Variants in APCDD1L observed in about 807,000 individuals in gnomAD.
The protein encoded by APCDD1L is protein APCDD1-like.
A neutral mutation model predicts 24.2 loss-of-function variants in APCDD1L; 21 were observed. The observed-to-expected ratio is 0.87, with a 90% CI of 0.61 to 1.25. The LOEUF (loss-of-function observed/expected upper bound fraction) is 1.25, where lower values mean the gene tolerates loss of function less well. Among genes scored for constraint, APCDD1L ranks in the 50% most tolerant of loss-of-function variants. The probability of loss-of-function intolerance (pLI) is 0.00; values close to 1 mark genes in which losing one functional copy is unlikely to be tolerated. For missense variants in APCDD1L, 704 were observed against 711.7 expected, an observed-to-expected ratio of 0.99 and a Z score of 0.12; for synonymous variants, 321 against 323.6, an observed-to-expected ratio of 0.99 and a Z score of 0.09.
chr20:58,481,749 C>A (rs1990030239), intron 1 of APCDD1L, among the ~76,000 whole-genome samples: 1 of 152,186 alleles, frequency 6.6e-6, no homozygotes, highest in Non-Finnish European at 1.5e-5. Flanking sequence ...GCTTCGGCCT[C>A]CAGCTGAGGG....
rs898917658 is a variant in APCDD1L, at chr20:58,508,747, G to A, written c.49+5912C>T. ...GGCACTGTTCTAGGGACCCGGGAAA[G>A]AACTGTCGATAAAACAGGCCAGGCC... On this transcript the variant is annotated intron_variant, in intron 1 of 3. Coordinates refer to ENST00000371149, the MANE Select transcript of APCDD1L (RefSeq NM_153360.3). The surrounding 1 kb of genome is among the most constrained non-coding windows in gnomAD (Gnocchi z 4.0). 6.6e-6 allele frequency among the ~76,000 whole-genome samples: 1 copy of A among 152,198 alleles called. No homozygotes were observed. The highest frequency in any genetic ancestry group is 1.5e-5 in the Non-Finnish European group (1 of 68,034).
rs375856321 is a variant in APCDD1L, at chr20:58,496,641, C to T, written c.49+18018G>A. ...GCCAAGGAAGACACAGAGCTAATGT[C>T]GGGGGTCAGCATGGGGCAGACAGGC... On this transcript the variant is annotated intron_variant, in intron 1 of 3. Coordinates refer to ENST00000371149, the MANE Select transcript of APCDD1L (RefSeq NM_153360.3). Among the ~76,000 whole-genome samples the T allele has an allele frequency of 1.7e-4, 26 of 152,294 alleles. No homozygotes were observed. In the East Asian group the frequency reaches 1.7e-3, roughly 10 times the overall value.
chr20:58,477,487 A>G (rs1989932351), intron 1 of APCDD1L, among the ~76,000 whole-genome samples: 1 of 152,188 alleles, frequency 6.6e-6, no homozygotes, highest in Non-Finnish European at 1.5e-5. Flanking sequence ...TATCTTTCCC[A>G]GTGCATCATC....
At position 58,467,180 on chromosome 20, in the gene APCDD1L, C is replaced by T. The variant is rs768051053; in HGVS notation, c.667G>A (p.Asp223Asn). Residue 223 changes from aspartate (D) to asparagine (N), a missense_variant, in exon 3 of 4, where the codon GAC (aspartate) becomes AAC (asparagine). By Grantham distance (23) the Asp-to-Asn change is conservative. Transcript: ENST00000371149. The surrounding 1 kb of genome is among the most constrained non-coding windows in gnomAD (Gnocchi z 5.9). ...CTCTCCGCCGGGTCGGTGTGGATGT[C>T]CCCCAGGTACAGCTCCTCCACCAGC... The part of the protein sequence containing the change: ...PRLVEELYLG[D>N]IHTDPAERRH... The T allele has an allele frequency of 1.6e-5, 26 of 1,606,670 alleles. 1 individual carries two copies. Among genetic ancestry groups the T allele is most frequent in the Middle Eastern group, 1.6e-4 (1 of 6,078 alleles).
intron 1 of APCDD1L, 152 bp downstream of exon 1, chr20:58,514,507 G>A (rs1990700487): frequency 5.2e-6 from 4 of 774,118 alleles, no homozygotes; most frequent in Non-Finnish European, 7.2e-6. Context: ...CCGGCCAGGT[G>A]AGACTGGAGA....
At position 58,470,661 on chromosome 20, in the gene APCDD1L, G is replaced by A. The variant is rs1287684131; in HGVS notation, c.136C>T (p.Pro46Ser). 5 of 1,573,134 alleles carry A rather than the reference G, an allele frequency of 3.2e-6. No homozygotes were observed. The South Asian group carries it at 5.8e-5, about 18-fold the overall frequency. ...CGTGGAGGCAGGATCGCAGTGCTGG[G>A]CACTCTATCTGGCAAGGGCTGCTGG... The part of the protein sequence containing the change: ...HCQQPLPDRV[P>S]STAILPPRLN... The change falls in exon 2 of 4, where the codon CCC becomes TCC. Residue 46 changes from proline (P) to serine (S), a missense_variant. Physicochemically the swap from Pro to Ser is moderately conservative, Grantham distance 74. Coordinates refer to ENST00000371149, the MANE Select transcript of APCDD1L (RefSeq NM_153360.3).
chr20:58,511,762 T>C (rs1412692645), intron 1 of APCDD1L, among the ~76,000 whole-genome samples: 2 of 152,210 alleles, frequency 1.3e-5, no homozygotes, highest in South Asian at 4.1e-4. Context: ...TAGTTTTTAT[T>C]CTGGGTTTCA....
intron 1 of APCDD1L, among the ~76,000 whole-genome samples, chr20:58,471,868 G>A (rs1420967577): frequency 6.6e-6 from 1 of 152,210 alleles, no homozygotes; most frequent in East Asian, 1.9e-4. Context: ...CACCCAGCCT[G>A]GGGCTGGAGT....
rs1164127676 is a variant in APCDD1L, at chr20:58,514,718, C to A, written c.-11G>T. The A allele has an allele frequency of 3.1e-6, 4 of 1,304,686 alleles. No homozygotes were observed. In the African/African-American group the frequency reaches 6.0e-5, roughly 20 times the overall value. The allele number at this position is 1,304,686 out of a possible 1,614,324, so 80.8% of individuals were successfully genotyped here. On this transcript the variant is annotated 5_prime_UTR_variant, in exon 1 of 4. Coordinates refer to ENST00000371149, the MANE Select transcript of APCDD1L (RefSeq NM_153360.3). The stretch of plus-strand genomic sequence containing the variant: ...CATGGCTGCGGGCATCCCGTCGGGG[C>A]TGGCAGGACCGCCCGCCGGGCGCTG...
intron 1 of APCDD1L, chr20:58,514,042 C>A: frequency 9.3e-7 from 1 of 1,074,734 alleles, no homozygotes; most frequent in African/African-American, 1.7e-5. Flanking sequence ...CTACCCTACT[C>A]CCCACCCCCA....
At chr20:58,509,438 C>T (rs984600208) in intron 1 of APCDD1L, among the ~76,000 whole-genome samples, 2 of 152,146 alleles carry the variant, frequency 1.3e-5, no homozygotes, top group African/African-American at 4.8e-5. Flanking sequence ...CCTAGCTCTC[C>T]TTGGGCAAGT....
chr20:58,485,464 A>G (rs1346444943), intron 1 of APCDD1L, among the ~76,000 whole-genome samples: 1 of 152,226 alleles, frequency 6.6e-6, no homozygotes, highest in Admixed American at 6.5e-5. Context: ...CAAGTTAATG[A>G]AGGTTTGTGG....
At position 58,470,635 on chromosome 20, in the gene APCDD1L, G is replaced by GATCTCCTGCCTC. The variant is rs1989792853; in HGVS notation, c.161_162insGAGGCAGGAGAT (p.Arg54_Leu55insArgGlnGluIle). On this transcript the variant is annotated inframe_insertion, in exon 2 of 4. Transcript: ENST00000371149. Reference sequence around the variant, plus strand: ...CTGTGGAGATCCAAGGTCCATTAAGGCGTGGAGGCAGGATCGCAGTGCTGG... The same window carrying GATCTCCTGCCTC: ...CTGTGGAGATCCAAGGTCCATTAAGGATCTCCTGCCTCCGTGGAGGCAGGATCGCAGTGCTGG... 1 of 1,584,800 alleles carries GATCTCCTGCCTC rather than the reference G, an allele frequency of 6.3e-7. No homozygotes were observed. The highest frequency in any genetic ancestry group is 2.3e-5 in the East Asian group (1 of 44,130).
At chr20:58,483,634 G>A (rs1990065957) in intron 1 of APCDD1L, among the ~76,000 whole-genome samples, 1 of 152,242 alleles carries the variant, frequency 6.6e-6, no homozygotes, top group African/African-American at 2.4e-5. Flanking sequence ...ATAATCAGAT[G>A]TGGCCAAATG....
At chr20:58,471,187 A>G (rs1360580115) in intron 1 of APCDD1L, among the ~76,000 whole-genome samples, 1 of 152,116 alleles carries the variant, frequency 6.6e-6, no homozygotes, top group Non-Finnish European at 1.5e-5. Context: ...GGTGCTGGGG[A>G]CAGTGGGGCC....
chr20:58,482,900 G>A (rs562917822), intron 1 of APCDD1L, among the ~76,000 whole-genome samples: 3 of 152,226 alleles, frequency 2.0e-5, no homozygotes, highest in South Asian at 2.1e-4. Context: ...ATCTTGGCTC[G>A]ACATTTATTG....
intron 1 of APCDD1L, among the ~76,000 whole-genome samples, chr20:58,502,959 A>T (rs1185541351): frequency 6.6e-6 from 1 of 152,166 alleles, no homozygotes; most frequent in Non-Finnish European, 1.5e-5. Flanking sequence ...AGCAACAATA[A>T]TGAATGTCCT....
intron 3 of APCDD1L, chr20:58,462,006 G>C: frequency 6.2e-6 from 1 of 161,172 alleles, no homozygotes; most frequent in Non-Finnish European, 1.3e-5. Context: ...GTACTAAAAA[G>C]CCCTAGAAAG....
chr20:58,468,784 T>C (rs1319590016), intron 2 of APCDD1L, among the ~76,000 whole-genome samples: 1 of 152,158 alleles, frequency 6.6e-6, no homozygotes, highest in Non-Finnish European at 1.5e-5. Context: ...GCCAGGCTGA[T>C]TTTGAACTCC....
Sources: allele counts gnomAD v4.1 joint callset (sites outside exome capture counted in the v4.1 genomes callset), GRCh38; gene constraint gnomAD v4.1.1; non-coding constraint Gnocchi (gnomAD v3.1); transcripts MANE v1.5; gene names NCBI Gene and HGNC (gene_info 2026-07-23, HGNC 2026-07-21).